Variants in BRINP1 observed in about 807,000 individuals in gnomAD.
BRINP1 encodes BMP/retinoic acid-inducible neural-specific protein 1.
Under a neutral mutation model 72.9 loss-of-function variants are expected in BRINP1, and 17 were observed. That is an observed-to-expected ratio of 0.23 (90% CI 0.16 to 0.35). BRINP1 has a LOEUF of 0.35. Among genes scored for constraint, BRINP1 ranks in the 10% least tolerant of loss-of-function variants. BRINP1 has a pLI of 1.00. For missense variants in BRINP1, 850 were observed against 1,001.6 expected (o/e 0.85, Z 2.04); for synonymous variants, 418 against 378.5 (o/e 1.10, Z -1.21).
intron 7 of BRINP1, among the ~76,000 whole-genome samples, chr9:119,205,541 C>A (rs1017350857): frequency 2.6e-5 from 4 of 152,082 alleles, no homozygotes; most frequent in African/African-American, 9.7e-5. Flanking sequence ...AGTGACTTGC[C>A]CAAGGACACA....
rs1409780228 is a variant in BRINP1 at position 119,268,923 on chromosome 9, A to G, written c.219-19773T>C. On this transcript the variant is annotated intron_variant, in intron 2 of 7. Coordinates refer to ENST00000265922, the MANE Select transcript of BRINP1 (RefSeq NM_014618.3). Reference sequence around the variant, plus strand: ...GACTTCCAACTCAACACAAAACATGAAAGGCACTAAAATGTAGTTGAAAAA... The same window carrying G: ...GACTTCCAACTCAACACAAAACATGGAAGGCACTAAAATGTAGTTGAAAAA... Among the ~76,000 whole-genome samples the G allele has an allele frequency of 2.0e-5, 3 of 152,208 alleles. No homozygotes were observed. In the East Asian group the frequency reaches 5.8e-4, roughly 29 times the overall value.
intron 7 of BRINP1, among the ~76,000 whole-genome samples, chr9:119,177,782 G>C (rs1210672077): frequency 1.3e-5 from 2 of 152,196 alleles, no homozygotes; most frequent in Non-Finnish European, 2.9e-5. Flanking sequence ...TTCCAGCCCT[G>C]TCAGGCAGGA....
rs1041842797 is a variant in BRINP1 at position 119,323,076 on chromosome 9, G to A, written c.-50-9671C>T. Among the ~76,000 whole-genome samples the A allele has an allele frequency of 3.3e-5, 5 of 152,120 alleles. No individual in the cohort carries two copies. In the South Asian group the frequency reaches 8.3e-4, roughly 25 times the overall value. On this transcript the variant is annotated intron_variant, in intron 1 of 7. Transcript: ENST00000265922. Reference sequence around the variant, plus strand: ...CACAGCATGAAAAGTAAGATGCCAGGACTAGGAGTGGAGTTTGAGTGGCCT... The same window carrying A: ...CACAGCATGAAAAGTAAGATGCCAGAACTAGGAGTGGAGTTTGAGTGGCCT...
intron 5 of BRINP1, among the ~76,000 whole-genome samples, chr9:119,235,330 T>C (rs1164819490): frequency 6.6e-6 from 1 of 152,226 alleles, no homozygotes; most frequent in Non-Finnish European, 1.5e-5. Flanking sequence ...TCACCATTGA[T>C]GTCTGTGCTT....
chr9:119,185,886 C>T (rs1829612132), intron 7 of BRINP1, among the ~76,000 whole-genome samples: 1 of 152,240 alleles, frequency 6.6e-6, no homozygotes, highest in Non-Finnish European at 1.5e-5. Context: ...ATTTTGAAAG[C>T]AAAGCCCTGC....
At chr9:119,232,322 C>T (rs1451480868) in intron 5 of BRINP1, among the ~76,000 whole-genome samples, 4 of 152,206 alleles carry the variant, frequency 2.6e-5, no homozygotes, top group Admixed American at 2.6e-4. Flanking sequence ...AGCCTCCTAA[C>T]AACTGATATC....
At position 119,313,398 on chromosome 9, in the gene BRINP1, G is replaced by A. The variant is rs767799421; in HGVS notation, c.-43C>T. 5.6e-6 allele frequency: 9 copies of A among 1,604,908 alleles called. No individual in the cohort carries two copies. Among genetic ancestry groups the A allele is most frequent in the Admixed American group, 1.7e-5 (1 of 58,662 alleles). On this transcript the variant is annotated 5_prime_UTR_variant, in exon 2 of 8. Transcript: ENST00000265922. ...TTTCCTCTCATTCTTGCTCCATTCT[G>A]TGGAGTCCTATAGAAGAAAGAATAA... is the stretch of plus-strand genomic sequence containing the variant.
At chr9:119,286,256 G>A (rs139517686) in intron 2 of BRINP1, among the ~76,000 whole-genome samples, 95 of 149,606 alleles carry the variant, frequency 6.4e-4, no homozygotes, top group Non-Finnish European at 1.1e-3. Context: ...TTTTTGAGAC[G>A]GAGTCTTGCT....
chr9:119,167,983 G>A lies in BRINP1; in HGVS notation c.1387C>T (p.Pro463Ser), dbSNP rs1446444248. ...CTCCGCTCCGAGTCCACGTTCTGTG[G>A]TTCACAGCGGCCTCGATACAGCTTG... ...GYKLYRGRCE[P>S]QNVDSERSEQ... Residue 463 changes from proline to serine, a missense_variant, in exon 8 of 8, where the codon CCA becomes TCA. Coordinates refer to ENST00000265922, the MANE Select transcript of BRINP1 (RefSeq NM_014618.3). This position sits in a 1 kb window ranked among gnomAD's most constrained non-coding sequence, Gnocchi z 4.3. 1 of 1,614,212 alleles carries A rather than the reference G, an allele frequency of 6.2e-7. No individual in the cohort carries two copies. Among genetic ancestry groups the A allele is most frequent in the South Asian group, 1.1e-5 (1 of 91,090 alleles).
chr9:119,351,949 G>A (rs1831511778), intron 1 of BRINP1, among the ~76,000 whole-genome samples: 1 of 151,836 alleles, frequency 6.6e-6, no homozygotes, highest in Non-Finnish European at 1.5e-5. Flanking sequence ...GGGATTACAG[G>A]CATCCACCAC....
intron 2 of BRINP1, among the ~76,000 whole-genome samples, chr9:119,261,177 A>G (rs1830491322): frequency 6.6e-6 from 1 of 152,158 alleles, no homozygotes; most frequent in Non-Finnish European, 1.5e-5. Flanking sequence ...ATTGACAGAG[A>G]TGCTTATAGG....
intron 1 of BRINP1, among the ~76,000 whole-genome samples, chr9:119,363,434 G>C (rs904216337): frequency 2.6e-5 from 4 of 151,974 alleles, no homozygotes; most frequent in African/African-American, 9.7e-5. Context: ...TGCCTCTAAT[G>C]CTCTTTCCCC....
At chr9:119,273,504 G>T (rs527891584) in intron 2 of BRINP1, among the ~76,000 whole-genome samples, 1 of 152,250 alleles carries the variant, frequency 6.6e-6, no homozygotes, top group Non-Finnish European at 1.5e-5. Context: ...GAGCAAGGCA[G>T]GGAGGCTGGC....
intron 3 of BRINP1, among the ~76,000 whole-genome samples, chr9:119,242,981 T>C (rs112169884): frequency 1.5e-4 from 4 of 27,116 alleles, no homozygotes; most frequent in African/African-American, 8.5e-4. Context: ...TCTTTTTTCT[T>C]TTTTTTTTTT....
At chr9:119,178,191 G>C in intron 7 of BRINP1, among the ~76,000 whole-genome samples, 1 of 152,290 alleles carries the variant, frequency 6.6e-6, no homozygotes, top group African/African-American at 2.4e-5. Flanking sequence ...CTCACTCACA[G>C]ATTTGGGAAA....
intron 1 of BRINP1, among the ~76,000 whole-genome samples, chr9:119,320,284 C>T (rs925155596): frequency 1.3e-5 from 2 of 152,068 alleles, no homozygotes; most frequent in African/African-American, 2.4e-5. Flanking sequence ...ACTCTATCTC[C>T]CTCTCATCAA....
At chr9:119,214,198 A>T (rs1176465098) in intron 5 of BRINP1, 43 bp from the exon 6 acceptor site, 3 of 1,466,784 alleles carry the variant, frequency 2.0e-6, no homozygotes, top group East Asian at 4.5e-5. Context: ...AGGTTTAAAA[A>T]AAGGTGTTTC....
In BRINP1 at chr9:119,307,706, C is replaced by T. The variant is rs529514729; in HGVS notation, c.218+5432G>A. Reference sequence around the variant, plus strand: ...CAATACGCAAGCTGTCAAATTTAAGCAGAGCCCACAATTCCCTGAGTCTGC... The same window carrying T: ...CAATACGCAAGCTGTCAAATTTAAGTAGAGCCCACAATTCCCTGAGTCTGC... On this transcript the variant is annotated intron_variant, in intron 2 of 7. Transcript: ENST00000265922. Among the ~76,000 whole-genome samples, 13 of 152,340 alleles carry T rather than the reference C, an allele frequency of 8.5e-5. No individual in the cohort carries two copies. The East Asian group carries it at 2.5e-3, about 29-fold the overall frequency.
chr9:119,191,048 CAATT>C (rs1357873638), intron 7 of BRINP1, among the ~76,000 whole-genome samples: 3 of 151,896 alleles, frequency 2.0e-5, no homozygotes, highest in African/African-American at 7.2e-5. Flanking sequence ...AAGATCACCT[CAATT>C]GATACAGAAA....
Sources: gnomAD v4.1 joint callset for allele counts (sites outside exome capture counted in the v4.1 genomes callset) on GRCh38, gnomAD v4.1.1 for gene constraint, Gnocchi (gnomAD v3.1) non-coding constraint, MANE v1.5 for transcripts, NCBI Gene and HGNC (gene_info 2026-07-23, HGNC 2026-07-21) for gene names.